Variants in PAFAH1B1 observed in about 807,000 individuals in gnomAD.
The protein encoded by PAFAH1B1 is platelet-activating factor acetylhydrolase IB subunit beta.
Under a neutral mutation model 57.5 loss-of-function variants are expected in PAFAH1B1, and 2 were observed. The ratio of observed to expected loss-of-function variants is 0.03; its 90% CI spans 0.01 to 0.11. The LOEUF (loss-of-function observed/expected upper bound fraction) is 0.11, where lower values mean the gene tolerates loss of function less well. Among genes scored for constraint, PAFAH1B1 ranks in the 10% least tolerant of loss-of-function variants. The pLI, the probability that PAFAH1B1 is intolerant of heterozygous loss-of-function variation, is 1.00. For synonymous variants in PAFAH1B1, 152 were observed against 169.6 expected (o/e 0.90, Z 0.81); for missense variants, 257 against 512.0 (o/e 0.50, Z 4.81).
intron 1 of PAFAH1B1, among the ~76,000 whole-genome samples, chr17:2,625,597 CTCTT>C (rs1335412585): frequency 2.0e-5 from 3 of 152,144 alleles, no homozygotes; most frequent in East Asian, 1.9e-4. Context: ...ATATTCTAAA[CTCTT>C]TCTTTAAAAA....
chr17:2,648,769 A>T (rs1262256858), intron 2 of PAFAH1B1, among the ~76,000 whole-genome samples: 1 of 152,140 alleles, frequency 6.6e-6, no homozygotes, highest in Non-Finnish European at 1.5e-5. Flanking sequence ...GTTAAAAAAA[A>T]AAAACCCTGT....
At chr17:2,656,631 A>G (rs1050127812) in intron 2 of PAFAH1B1, among the ~76,000 whole-genome samples, 43 of 152,314 alleles carry the variant, frequency 2.8e-4, no homozygotes, top group African/African-American at 9.6e-4. Flanking sequence ...AAACTGCTCC[A>G]TCAACAATTG....
chr17:2,644,192 A>G (rs1381711279), intron 2 of PAFAH1B1, among the ~76,000 whole-genome samples: 2 of 147,734 alleles, frequency 1.4e-5, no homozygotes, highest in Non-Finnish European at 3.0e-5. Flanking sequence ...CCAATCCAGT[A>G]TCTCCTGGAA....
chr17:2,646,378 T>TA (rs1237035477), intron 2 of PAFAH1B1, among the ~76,000 whole-genome samples: 2 of 152,212 alleles, frequency 1.3e-5, no homozygotes, highest in East Asian at 3.8e-4. Context: ...TTTTCAAACT[T>TA]ATGAGAGTAC....
Position 2,680,286 on chromosome 17 carries a change from C to T in PAFAH1B1, c.1125C>T (p.Thr375=). 1 of 1,613,908 alleles carries T rather than the reference C, an allele frequency of 6.2e-7. No individual in the cohort carries two copies. The highest frequency in any genetic ancestry group is 8.5e-7 in the Non-Finnish European group (1 of 1,179,826). Residue 375 remains threonine, a synonymous_variant, in exon 10 of 11, where the codon ACC becomes ACT. Transcript: ENST00000397195. Reference sequence around the variant, plus strand: ...ACAAGAACAAGCGATGCATGAAGACCCTCAATGCGCATGAACACTTTGTTA... The same window carrying T: ...ACAAGAACAAGCGATGCATGAAGACTCTCAATGCGCATGAACACTTTGTTA... The part of the protein sequence containing the change: ...WDYKNKRCMK[T]LNAHEHFVTS...
chr17:2,625,833 G>A (rs2068482532), intron 1 of PAFAH1B1, among the ~76,000 whole-genome samples: 1 of 152,154 alleles, frequency 6.6e-6, no homozygotes, highest in African/African-American at 2.4e-5. Flanking sequence ...AGCTACTCAG[G>A]AGGCTAAGGT....
chr17:2,611,357 A>G (rs972466874), intron 1 of PAFAH1B1, among the ~76,000 whole-genome samples: 5 of 151,838 alleles, frequency 3.3e-5, no homozygotes, highest in Admixed American at 6.6e-5. Flanking sequence ...AGTCCCAGCT[A>G]CTCAGGAGGC....
intron 1 of PAFAH1B1, among the ~76,000 whole-genome samples, chr17:2,607,325 C>G (rs1415610412): frequency 3.3e-5 from 5 of 151,878 alleles, no homozygotes; most frequent in Non-Finnish European, 5.9e-5. Flanking sequence ...AGGCGTGCAC[C>G]AGCGTGCCCG....
chr17:2,649,976 A>G (rs1468635541), intron 2 of PAFAH1B1, among the ~76,000 whole-genome samples: 1 of 152,226 alleles, frequency 6.6e-6, no homozygotes, highest in Non-Finnish European at 1.5e-5. Context: ...ATAAAGTGGT[A>G]GAGAAAATAT....
intron 9 of PAFAH1B1, among the ~76,000 whole-genome samples, chr17:2,679,113 A>G (rs1383420729): frequency 2.6e-5 from 4 of 152,006 alleles, no homozygotes; most frequent in African/African-American, 9.7e-5. Context: ...GTGTAGATGA[A>G]TGTGCTATTT....
At chr17:2,611,424 C>T (rs541665392) in intron 1 of PAFAH1B1, among the ~76,000 whole-genome samples, 4 of 151,318 alleles carry the variant, frequency 2.6e-5, no homozygotes, top group South Asian at 2.1e-4. Context: ...ACCGAGATCA[C>T]GCCATTGCAC....
intron 1 of PAFAH1B1, among the ~76,000 whole-genome samples, chr17:2,629,110 A>T (rs2068526277): frequency 6.6e-6 from 1 of 151,468 alleles, no homozygotes; most frequent in Non-Finnish European, 1.5e-5. Flanking sequence ...TTCTGCTCTG[A>T]TCTTGGTTAT....
chr17:2,596,357 C>G lies in PAFAH1B1; in HGVS notation c.-191+2351C>G, dbSNP rs568210694. ...AATACTACAATTGTTTTACTTAAAACAGTAAATCTATTTGAGATTTTAAAA... is the reference window on the plus strand; with the variant it reads ...AATACTACAATTGTTTTACTTAAAAGAGTAAATCTATTTGAGATTTTAAAA... On this transcript the variant is annotated intron_variant, in intron 1 of 10. Coordinates refer to ENST00000397195, the MANE Select transcript of PAFAH1B1 (RefSeq NM_000430.4). Among the ~76,000 whole-genome samples the G allele has an allele frequency of 6.6e-5, 10 of 152,198 alleles. No individual in the cohort carries two copies. The South Asian group carries it at 2.1e-3, about 32-fold the overall frequency.
intron 1 of PAFAH1B1, among the ~76,000 whole-genome samples, chr17:2,598,687 C>T (rs779922177): frequency 3.7e-4 from 56 of 151,578 alleles, no homozygotes; most frequent in Non-Finnish European, 6.2e-4. Flanking sequence ...ACAGACCTAC[C>T]GTTCTCCAGA....
chr17:2,606,810 C>CTTTTTTTTTTTTTT (rs770011553), intron 1 of PAFAH1B1, among the ~76,000 whole-genome samples: 1 of 101,714 alleles, frequency 9.8e-6, no homozygotes. Context: ...TGCCTCAGAG[C>CTTTTTTTTTTTTTT]TTTTTTTTTT....
intron 1 of PAFAH1B1, among the ~76,000 whole-genome samples, chr17:2,611,583 G>A (rs1267289575): frequency 1.3e-5 from 2 of 152,162 alleles, no homozygotes; most frequent in Non-Finnish European, 2.9e-5. Flanking sequence ...CAGGACTCAT[G>A]CTGGTTTTCA....
At chr17:2,611,104 T>G (rs1379483535) in intron 1 of PAFAH1B1, among the ~76,000 whole-genome samples, 4 of 152,206 alleles carry the variant, frequency 2.6e-5, no homozygotes, top group African/African-American at 9.6e-5. Context: ...CTTGTCTGTC[T>G]TCTTCTCTGT....
chr17:2,652,193 G>T (rs9908050), intron 2 of PAFAH1B1, among the ~76,000 whole-genome samples: 37,903 of 149,380 alleles, frequency 0.25, 4,930 homozygotes, highest in African/African-American at 0.31. Context: ...GGCAAATCAC[G>T]AGGTCAGGAG....
intron 1 of PAFAH1B1, among the ~76,000 whole-genome samples, chr17:2,619,810 C>G (rs929633925): frequency 6.6e-6 from 1 of 152,078 alleles, no homozygotes; most frequent in Non-Finnish European, 1.5e-5. Context: ...GGCAGAGTCT[C>G]CCTCTTTCAC....
Sources: allele counts gnomAD v4.1 joint callset (sites outside exome capture counted in the v4.1 genomes callset), GRCh38; gene constraint gnomAD v4.1.1; transcripts MANE v1.5; gene names NCBI Gene and HGNC (gene_info 2026-07-23, HGNC 2026-07-21).